SIPA1L3: variants seen among roughly 807,000 people sequenced by gnomAD.
The protein encoded by SIPA1L3 is signal-induced proliferation-associated 1-like protein 3.
In SIPA1L3, 59 loss-of-function variants were observed where a neutral mutation model predicts 150.1. That is an observed-to-expected ratio of 0.39 (90% CI 0.32 to 0.49). SIPA1L3 has a LOEUF of 0.49. SIPA1L3 is among the 20% of genes least tolerant of loss of function. SIPA1L3 has a pLI of 0.86. For missense variants in SIPA1L3, 2,211 were observed against 2,489.5 expected (o/e 0.89, Z 2.38); for synonymous variants, 1,070 against 1,077.6 (o/e 0.99, Z 0.14).
chr19:37,912,599 G>A (rs2046385591), intron 1 of SIPA1L3, among the ~76,000 whole-genome samples: 1 of 152,094 alleles, frequency 6.6e-6, no homozygotes, highest in African/African-American at 2.4e-5. Flanking sequence ...GGGCTCAAGT[G>A]ATCCTCCCAC....
chr19:38,037,316 A>G (rs2145732322), intron 2 of SIPA1L3, among the ~76,000 whole-genome samples: 1 of 152,308 alleles, frequency 6.6e-6, no homozygotes, highest in Admixed American at 6.5e-5. Flanking sequence ...GGCCTGAAGG[A>G]TAAGTAGACC....
intron 12 of SIPA1L3, among the ~76,000 whole-genome samples, chr19:38,143,389 A>C (rs1282537868): frequency 1.3e-5 from 2 of 151,714 alleles, no homozygotes; most frequent in Admixed American, 6.6e-5. Context: ...TCCTCCTTGC[A>C]GTGGTCCTCC....
chr19:38,082,996 A>G lies in SIPA1L3; in HGVS notation c.1431A>G (p.Glu477=). 6.2e-7 allele frequency: 1 copy of G among 1,613,078 alleles called. No individual in the cohort carries two copies. ...YRTNASISVL[E]VPKEQQRTQS... ...CCAACGCCAGCATCTCGGTGTTGGA[A>G]GTTCCCAAGGAGCAGCAGCGGACGC... Residue 477 remains glutamate (E), a synonymous_variant, in exon 3 of 22, where the codon GAA becomes GAG. Transcript: ENST00000222345.
chr19:37,979,962 G>A (rs372324006), intron 1 of SIPA1L3, among the ~76,000 whole-genome samples: 3 of 152,274 alleles, frequency 2.0e-5, no homozygotes, highest in African/African-American at 7.2e-5. Flanking sequence ...GTGGCAGGCC[G>A]CTGGCTGGGA....
intron 12 of SIPA1L3, among the ~76,000 whole-genome samples, chr19:38,146,284 C>T (rs1397995891): frequency 6.6e-6 from 1 of 152,138 alleles, no homozygotes; most frequent in Admixed American, 6.5e-5. Context: ...CACGTTGTCG[C>T]GAGTCTCTAG....
chr19:38,016,718 C>T (rs1207655677), intron 1 of SIPA1L3, among the ~76,000 whole-genome samples: 4 of 151,786 alleles, frequency 2.6e-5, no homozygotes, highest in African/African-American at 7.3e-5. Context: ...GTCTTGAACT[C>T]CTGACCTCAA....
At chr19:38,102,456 C>A (rs1366704221) in intron 6 of SIPA1L3, among the ~76,000 whole-genome samples, 1 of 151,884 alleles carries the variant, frequency 6.6e-6, no homozygotes, top group Non-Finnish European at 1.5e-5. Flanking sequence ...CACACATGAG[C>A]CACTACACCT....
rs914888088 is a variant in SIPA1L3, at chr19:38,078,840, C to T, written c.-310-2416C>T. ...AGTCAACAGCTTCCATCACAGACGG[C>T]GACCCACTTTCCCCTTCCTCTCCAG... On this transcript the variant is annotated intron_variant, in intron 2 of 21. Coordinates refer to ENST00000222345, the MANE Select transcript of SIPA1L3 (RefSeq NM_015073.3). Among the ~76,000 whole-genome samples the T allele has an allele frequency of 2.0e-5, 3 of 152,158 alleles. No individual in the cohort carries two copies. In the East Asian group the frequency reaches 5.8e-4, roughly 29 times the overall value.
chr19:37,985,048 A>G (rs1467294276), intron 1 of SIPA1L3, among the ~76,000 whole-genome samples: 2 of 152,220 alleles, frequency 1.3e-5, no homozygotes, highest in Non-Finnish European at 2.9e-5. Context: ...AGAAATAAAC[A>G]GTATTTATCA....
At chr19:37,950,660 C>T (rs965362188) in intron 1 of SIPA1L3, among the ~76,000 whole-genome samples, 8 of 151,602 alleles carry the variant, frequency 5.3e-5, no homozygotes, top group African/African-American at 1.9e-4. Context: ...GAAGGCTGCG[C>T]GGGGCCCTTC....
chr19:38,083,158 C>T lies in SIPA1L3; in HGVS notation c.1534+59C>T, dbSNP rs1268736149. On this transcript the variant is annotated intron_variant, in intron 3 of 21. Coordinates refer to ENST00000222345, the MANE Select transcript of SIPA1L3 (RefSeq NM_015073.3). ...GGGCCGAGGCTTGCCTCCGAGACCC[C>T]CACTACTCATTCATTCACTCTGTGC... The T allele has an allele frequency of 1.4e-5, 20 of 1,461,750 alleles. No homozygotes were observed. In the Middle Eastern group the frequency reaches 7.1e-4, roughly 52 times the overall value. The allele number at this position is 1,461,750 out of a possible 1,614,324, so 90.5% of individuals were successfully genotyped here.
chr19:38,123,793 C>A (rs189513274), intron 9 of SIPA1L3, among the ~76,000 whole-genome samples: 1 of 151,446 alleles, frequency 6.6e-6, no homozygotes, highest in African/African-American at 2.4e-5. Flanking sequence ...ACCTCCCAGA[C>A]GGGGTGGCGG....
chr19:37,930,301 C>T (rs1453240697), intron 1 of SIPA1L3, among the ~76,000 whole-genome samples: 2 of 151,962 alleles, frequency 1.3e-5, no homozygotes, highest in East Asian at 1.9e-4. Flanking sequence ...CGTGAGCCAC[C>T]GTGCCCAGCC....
chr19:37,907,618 G>C (rs548943001), intron 1 of SIPA1L3: 1 of 152,244 alleles, frequency 6.6e-6, no homozygotes, highest in African/African-American at 2.4e-5. Flanking sequence ...GTGCCACTCG[G>C]GAGCCGCGAT....
Position 38,208,017 on chromosome 19 carries a change from C to A in SIPA1L3, c.*1777C>A, listed in dbSNP as rs572800853. 28 of 110,412 alleles carry A rather than the reference C, an allele frequency of 2.5e-4. No individual in the cohort carries two copies. In the South Asian group the frequency reaches 9.0e-3, roughly 36 times the overall value. 6.8% of individuals were successfully genotyped at this position (110,412 alleles called of 1,614,324 possible). A position where few individuals can be genotyped will look rare whatever the true frequency, so the allele number is the denominator to read the frequency against. On this transcript the variant is annotated 3_prime_UTR_variant, in exon 22 of 22. Coordinates refer to ENST00000222345, the MANE Select transcript of SIPA1L3 (RefSeq NM_015073.3). ...CCGTCCCCCACCCCCACCCCTTAGA[C>A]CCTCATCGGGTCCCTTTTTTTTTTT...
rs780392633 is a variant in SIPA1L3, at chr19:38,101,219, C to T, written c.2022C>T (p.Asp674=). Residue 674 remains aspartate (D), a synonymous_variant, in exon 6 of 22, where the codon GAC becomes GAT. Transcript: ENST00000222345. ...KGFTKYAAQL[D]VKTDSTGTHS... is the part of the protein sequence containing the mutation. ...TCACCAAGTACGCTGCCCAGCTGGA[C>T]GTCAAGAGTAAGTAGGGGGCCGGTT... 1.2e-5 allele frequency: 19 copies of T among 1,560,314 alleles called. No individual in the cohort carries two copies. Among genetic ancestry groups the T allele is most frequent in the South Asian group, 4.8e-5 (4 of 84,166 alleles).
intron 1 of SIPA1L3, among the ~76,000 whole-genome samples, chr19:37,923,792 T>C (rs6508752): frequency 0.82 from 124,775 of 151,584 alleles, 51,940 homozygotes; most frequent in African/African-American, 0.94. Context: ...CAGAGTCTCG[T>C]TCTGTTACCC....
At chr19:38,130,818 G>A (rs1400280337) in intron 10 of SIPA1L3, 46 bp downstream of exon 10, 8 of 1,559,452 alleles carry the variant, frequency 5.1e-6, no homozygotes, top group Non-Finnish European at 7.0e-6. Flanking sequence ...GCAGCTCCCA[G>A]ATCGCTGGCA....
At chr19:38,014,527 G>A (rs1968181738) in intron 1 of SIPA1L3, among the ~76,000 whole-genome samples, 3 of 146,478 alleles carry the variant, frequency 2.0e-5, no homozygotes, top group South Asian at 2.2e-4. Context: ...CCGATGGAAT[G>A]CTTCTCACAC....
Sources: gnomAD v4.1 joint callset for allele counts (sites outside exome capture counted in the v4.1 genomes callset) on GRCh38, gnomAD v4.1.1 for gene constraint, MANE v1.5 for transcripts, NCBI Gene and HGNC (gene_info 2026-07-23, HGNC 2026-07-21) for gene names.